Variants in KNG1 observed in about 807,000 individuals in gnomAD.
KNG1 encodes kininogen-1.
Under a neutral mutation model 47.8 loss-of-function variants are expected in KNG1, and 23 were observed. That is an observed-to-expected ratio of 0.48 (90% confidence interval 0.35 to 0.68). The LOEUF (loss-of-function observed/expected upper bound fraction) is 0.68. KNG1 is among the 30% of genes least tolerant of loss of function. KNG1 has a pLI of 0.01. For synonymous variants in KNG1, 277 were observed against 277.0 expected (o/e 1.00, Z 0.00); for missense variants, 762 against 790.2 (o/e 0.96, Z 0.43).
intron 7 of KNG1, among the ~76,000 whole-genome samples, chr3:186,737,923 T>C (rs1402537173): frequency 1.3e-5 from 2 of 151,974 alleles, no homozygotes; most frequent in Admixed American, 1.3e-4. Context: ...CCACAAAATA[T>C]TTAATGGAAG....
intron 7 of KNG1, among the ~76,000 whole-genome samples, chr3:186,733,467 A>G (rs1388986358): frequency 6.6e-6 from 1 of 151,950 alleles, no homozygotes; most frequent in Non-Finnish European, 1.5e-5. Flanking sequence ...TCTGCCTGGG[A>G]TCCCGCTCTC....
At position 186,722,528 on chromosome 3, in the gene KNG1, G is replaced by T; in HGVS notation, c.391+7G>T. On this transcript the variant is annotated splice_region_variant and intron_variant, in intron 3 of 9. Coordinates refer to ENST00000644859, the MANE Select transcript of KNG1 (RefSeq NM_001102416.3). ...ACCTGCCAGATTACTCCAGGTGGCT[G>T]GTTTATCCTCTGGCACTGCCCTGGT... 1 of 1,606,446 alleles carries T rather than the reference G, an allele frequency of 6.2e-7. No individual in the cohort carries two copies. Among genetic ancestry groups the T allele is most frequent in the Non-Finnish European group, 8.5e-7 (1 of 1,173,668 alleles).
Position 186,744,085 on chromosome 3 carries a change from C to G in KNG1, c.*1754C>G, listed in dbSNP as rs989041508. Reference sequence around the variant, plus strand: ...ACATTCCCTAGCCAAGGCAGAAGTCCTTAGGCGGGACTTCCTTACCACCAC... The same window carrying G: ...ACATTCCCTAGCCAAGGCAGAAGTCGTTAGGCGGGACTTCCTTACCACCAC... On this transcript the variant is annotated 3_prime_UTR_variant, in exon 10 of 10. Transcript: ENST00000644859. The G allele has an allele frequency of 1.4e-5, 6 of 433,762 alleles. No homozygotes were observed. The highest frequency in any genetic ancestry group is 2.6e-5 in the Non-Finnish European group (6 of 234,550). The allele number at this position is 433,762 out of a possible 1,614,324, so 26.9% of individuals were successfully genotyped here.
At position 186,722,440 on chromosome 3, in the gene KNG1, A is replaced by G; in HGVS notation, c.310A>G (p.Thr104Ala). ...CEYKDAAKAA[T>A]GECTATVGKR... ...GATCTCTTTCTTTTCTTTTTAGGCC[A>G]CTGGAGAATGCACGGCAACCGTGGG... Residue 104 changes from threonine to alanine, a missense_variant, in exon 3 of 10, where the codon ACT becomes GCT. Transcript: ENST00000644859. 1 of 1,612,410 alleles carries G rather than the reference A, an allele frequency of 6.2e-7. No individual in the cohort carries two copies. The highest frequency in any genetic ancestry group is 8.5e-7 in the Non-Finnish European group (1 of 1,178,494).
In KNG1 at chr3:186,741,686, C is replaced by G. The variant is rs5030084; in HGVS notation, c.1290C>G (p.Asp430Glu). Residue 430 changes from aspartate (D) to glutamate (E), a missense_variant, in exon 10 of 10, where the codon GAC (aspartate) becomes GAG (glutamate). Asp to Glu is a conservative substitution (Grantham distance 45). Coordinates refer to ENST00000644859, the MANE Select transcript of KNG1 (RefSeq NM_001102416.3). ...GKEQGHTRRH[D>E]WGHEKQRKHN... ...AACAAGGGCATACTCGTAGACATGA[C>G]TGGGGCCATGAAAAACAAAGAAAAC... 51,558 of 1,614,152 alleles carry G rather than the reference C, an allele frequency of 0.032. 938 individuals are homozygous for G. Among genetic ancestry groups the G allele is most frequent in the African/African-American group, 0.065 (4,894 of 75,036 alleles).
At chr3:186,726,274 CTTT>C (rs774226752) in intron 4 of KNG1, among the ~76,000 whole-genome samples, 9 of 113,726 alleles carry the variant, frequency 7.9e-5, no homozygotes, top group Admixed American at 9.5e-5. Context: ...GACTTTTCTT[CTTT>C]TTTTTTTTTT....
At chr3:186,733,076 T>A (rs1276112327) in intron 7 of KNG1, among the ~76,000 whole-genome samples, 1 of 151,982 alleles carries the variant, frequency 6.6e-6, no homozygotes, top group African/African-American at 2.4e-5. Context: ...TGAAACCCTG[T>A]CTCTACTAAA....
At chr3:186,727,862 G>A (rs1047236485) in intron 5 of KNG1, among the ~76,000 whole-genome samples, 4 of 152,132 alleles carry the variant, frequency 2.6e-5, no homozygotes, top group Non-Finnish European at 5.9e-5. Flanking sequence ...ATGAGCCACC[G>A]TGCCTGGCCA....
Position 186,722,641 on chromosome 3 carries a change from C to T in KNG1, c.391+120C>T, listed in dbSNP as rs1579114663. The T allele has an allele frequency of 3.7e-6, 3 of 811,470 alleles. No homozygotes were observed. The East Asian group carries it at 8.0e-5, about 22-fold the overall frequency. 50.3% of individuals were successfully genotyped at this position (811,470 alleles called of 1,614,324 possible). A position where few individuals can be genotyped will look rare whatever the true frequency, so the allele number is the denominator to read the frequency against. Reference sequence around the variant, plus strand: ...AGGGTGGCAGTAGTAAAGCCATTTGCAGAGTTAGGGAGCATTGGGTGGAGC... The same window carrying T: ...AGGGTGGCAGTAGTAAAGCCATTTGTAGAGTTAGGGAGCATTGGGTGGAGC... On this transcript the variant is annotated intron_variant, in intron 3 of 9. Transcript: ENST00000644859.
chr3:186,724,775 A>C (rs561793065), intron 3 of KNG1, among the ~76,000 whole-genome samples: 68 of 151,704 alleles, frequency 4.5e-4, no homozygotes, highest in Non-Finnish European at 8.5e-4. Flanking sequence ...GGCTCACTGC[A>C]ACCTCCGTCT....
Position 186,742,307 on chromosome 3 carries a change from C to T in KNG1, c.1911C>T (p.Phe637=), listed in dbSNP as rs1255752518. 1.1e-5 allele frequency: 17 copies of T among 1,614,076 alleles called. No homozygotes were observed. Among genetic ancestry groups the T allele is most frequent in the Admixed American group, 3.3e-5 (2 of 60,000 alleles). Residue 637 remains phenylalanine (F), a synonymous_variant, in exon 10 of 10, where the codon TTC becomes TTT. Coordinates refer to ENST00000644859, the MANE Select transcript of KNG1 (RefSeq NM_001102416.3). ...CACAAATGAAAGAATCTTATTATTT[C>T]GATCTCACTGATGGCCTTTCTTAAT... ...PTTQMKESYY[F]DLTDGLS is the part of the protein sequence containing the mutation.
rs895220896 is a variant in KNG1 at position 186,743,335 on chromosome 3, C to G, written c.*1004C>G. ...ATGAGGAAATTACTCTCTAGTCTCA[C>G]TTTATAGTCTTTTTGCTATGACTTT... On this transcript the variant is annotated 3_prime_UTR_variant, in exon 10 of 10. Transcript: ENST00000644859. The G allele has an allele frequency of 4.3e-6, 1 of 234,518 alleles. No individual in the cohort carries two copies. Among genetic ancestry groups the G allele is most frequent in the Non-Finnish European group, 8.5e-6 (1 of 117,204 alleles). 14.5% of individuals were successfully genotyped at this position (234,518 alleles called of 1,614,324 possible).
intron 5 of KNG1, among the ~76,000 whole-genome samples, chr3:186,731,114 C>G (rs146421453): frequency 4.3e-4 from 65 of 152,202 alleles, no homozygotes; most frequent in African/African-American, 1.4e-3. Flanking sequence ...TCCAATATTA[C>G]TAATACTGTA....
At position 186,741,671 on chromosome 3, in the gene KNG1, T is replaced by G; in HGVS notation, c.1275T>G (p.His425Gln). Residue 425 changes from histidine to glutamine, a missense_variant, in exon 10 of 10, where the codon CAT (histidine) becomes CAG (glutamine). Transcript: ENST00000644859. Reference sequence around the variant, plus strand: ...GGGATTCAGGAAAAGAACAAGGGCATACTCGTAGACATGACTGGGGCCATG... The same window carrying G: ...GGGATTCAGGAAAAGAACAAGGGCAGACTCGTAGACATGACTGGGGCCATG... ...EERDSGKEQG[H>Q]TRRHDWGHEK... is the part of the protein sequence containing the mutation. 6.2e-7 allele frequency: 1 copy of G among 1,614,192 alleles called. No individual in the cohort carries two copies. The highest frequency in any genetic ancestry group is 8.5e-7 in the Non-Finnish European group (1 of 1,180,034).
intron 3 of KNG1, 21 bp downstream of exon 3, chr3:186,722,542 C>T (rs892842140): frequency 6.4e-7 from 1 of 1,569,766 alleles, no homozygotes; most frequent in Non-Finnish European, 8.8e-7. Context: ...TATCCTCTGG[C>T]ACTGCCCTGG....
rs2108639880 is a variant in KNG1 at position 186,743,666 on chromosome 3, T to A, written c.*1335T>A. On this transcript the variant is annotated 3_prime_UTR_variant, in exon 10 of 10. Coordinates refer to ENST00000644859, the MANE Select transcript of KNG1 (RefSeq NM_001102416.3). ...GCTCCACTTTTTAAAAATGATTGAA[T>A]GATAACATCATATTAACTGCGTTTT... 1.4e-6 allele frequency: 2 copies of A among 1,478,278 alleles called. No homozygotes were observed. 91.6% of individuals were successfully genotyped at this position (1,478,278 alleles called of 1,614,324 possible). A position where few individuals can be genotyped will look rare whatever the true frequency, so the allele number is the denominator to read the frequency against.
In KNG1 at chr3:186,731,642, A is replaced by G; in HGVS notation, c.757+13A>G. On this transcript the variant is annotated intron_variant, in intron 6 of 9. Transcript: ENST00000644859. Reference sequence around the variant, plus strand: ...GACATTTATCCAGGTAAGGAATAACACATGTTGGCACCGCAATAGAGGAAT... The same window carrying G: ...GACATTTATCCAGGTAAGGAATAACGCATGTTGGCACCGCAATAGAGGAAT... 6.7e-7 allele frequency: 1 copy of G among 1,496,510 alleles called. No homozygotes were observed. Among genetic ancestry groups the G allele is most frequent in the Non-Finnish European group, 9.3e-7 (1 of 1,072,768 alleles). 92.7% of individuals were successfully genotyped at this position (1,496,510 alleles called of 1,614,324 possible). A position where few individuals can be genotyped will look rare whatever the true frequency, so the allele number is the denominator to read the frequency against.
At chr3:186,717,915 A>C (rs1395234591) in intron 1 of KNG1, 178 bp downstream of exon 1, 10 of 371,850 alleles carry the variant, frequency 2.7e-5, no homozygotes, top group Admixed American at 7.1e-5. Context: ...CACCACCACC[A>C]TCCACCACCA....
At chr3:186,719,712 G>C (rs1402222908) in intron 1 of KNG1, among the ~76,000 whole-genome samples, 1 of 147,894 alleles carries the variant, frequency 6.8e-6, no homozygotes, top group African/African-American at 2.5e-5. Context: ...CTGGGCGACA[G>C]AGCGAGACTC....
Sources: gnomAD v4.1 joint callset for allele counts (sites outside exome capture counted in the v4.1 genomes callset) on GRCh38, gnomAD v4.1.1 for gene constraint, MANE v1.5 for transcripts, NCBI Gene and HGNC (gene_info 2026-07-23, HGNC 2026-07-21) for gene names.